Variants in ME1 observed in about 807,000 individuals in gnomAD.
The protein encoded by ME1 is NADP-dependent malic enzyme.
A neutral mutation model predicts 66.4 loss-of-function variants in ME1; 74 were observed. The ratio of observed to expected loss-of-function variants is 1.11; its 90% CI spans 0.92 to 1.35. ME1 has a LOEUF of 1.35. Among genes scored for constraint, ME1 ranks in the 40% most tolerant of loss-of-function variants. The pLI, the probability that ME1 is intolerant of heterozygous loss-of-function variation, is 0.00. For synonymous variants in ME1, 251 were observed against 235.6 expected (o/e 1.07, Z -0.60); for missense variants, 750 against 694.1 (o/e 1.08, Z -0.90).
At position 83,237,302 on chromosome 6, in the gene ME1, A is replaced by AAAAGAAAGAAAG. The variant is rs70987737; in HGVS notation, c.1026+403_1026+414dup. 2.3e-4 allele frequency among the ~76,000 whole-genome samples: 17 copies of AAAAGAAAGAAAG among 74,306 alleles called. 2 individuals carry two copies. The highest frequency in any genetic ancestry group is 5.6e-4 in the African/African-American group (9 of 16,172). 48.7% of individuals were successfully genotyped at this position (74,306 alleles called of 152,430 possible). A position where few individuals can be genotyped will look rare whatever the true frequency, so the allele number is the denominator to read the frequency against. On this transcript the variant is annotated intron_variant, in intron 9 of 13. Transcript: ENST00000369705. ...AAGGAAGGAAGGAAGGAAAGAAAGA[A>AAAAGAAAGAAAG]AAAGAAAGAAAGAAAAGGAAGGAAA...
At chr6:83,221,545 T>TA (rs1271237709) in intron 12 of ME1, among the ~76,000 whole-genome samples, 2 of 152,106 alleles carry the variant, frequency 1.3e-5, no homozygotes, top group Non-Finnish European at 2.9e-5. Flanking sequence ...GTATCACTAA[T>TA]AAAAATGTGA....
At chr6:83,344,219 A>G (rs1768643547) in intron 5 of ME1, among the ~76,000 whole-genome samples, 3 of 151,354 alleles carry the variant, frequency 2.0e-5, no homozygotes. Context: ...TCAGGAGTTT[A>G]AGGCTGCAAT....
intron 3 of ME1, among the ~76,000 whole-genome samples, chr6:83,356,501 TA>T (rs1344988260): frequency 3.9e-5 from 6 of 151,908 alleles, no homozygotes; most frequent in Non-Finnish European, 7.4e-5. Context: ...TTGCAAGAAA[TA>T]GAAGAATTAT....
Position 83,360,668 on chromosome 6 carries a change from G to T in ME1, c.363-8529C>A, listed in dbSNP as rs1471097362. Reference sequence around the variant, plus strand: ...ACTATATCGCATCCCTGGAGGGATTGCAGAGATTAGTGCCACCATCAAGGA... The same window carrying T: ...ACTATATCGCATCCCTGGAGGGATTTCAGAGATTAGTGCCACCATCAAGGA... On this transcript the variant is annotated intron_variant, in intron 3 of 13. Transcript: ENST00000369705. Among the ~76,000 whole-genome samples the T allele has an allele frequency of 2.0e-5, 3 of 152,334 alleles. No individual in the cohort carries two copies. The South Asian group carries it at 6.2e-4, about 32-fold the overall frequency.
chr6:83,290,079 C>T (rs558891686), intron 6 of ME1, among the ~76,000 whole-genome samples: 41 of 152,270 alleles, frequency 2.7e-4, no homozygotes, highest in African/African-American at 9.6e-4. Flanking sequence ...AAAAAACCAG[C>T]TCCTGCATTC....
At chr6:83,294,329 G>T (rs1767555625) in intron 6 of ME1, among the ~76,000 whole-genome samples, 1 of 152,160 alleles carries the variant, frequency 6.6e-6, no homozygotes, top group Non-Finnish European at 1.5e-5. Flanking sequence ...AGAGTCTTCA[G>T]ATACACCATC....
At chr6:83,299,283 A>G (rs549846618) in intron 6 of ME1, among the ~76,000 whole-genome samples, 2 of 152,124 alleles carry the variant, frequency 1.3e-5, no homozygotes, top group African/African-American at 4.8e-5. Context: ...TACTGCCTTG[A>G]GCAGTGGTTT....
intron 5 of ME1, among the ~76,000 whole-genome samples, chr6:83,323,180 G>A (rs543594714): frequency 9.9e-5 from 15 of 152,186 alleles, no homozygotes; most frequent in South Asian, 8.3e-4. Context: ...AGGAAAAACC[G>A]GGACAGGCAC....
At chr6:83,228,777 T>C (rs1257491336) in intron 10 of ME1, 49 bp downstream of exon 10, 2 of 1,245,834 alleles carry the variant, frequency 1.6e-6, no homozygotes, top group Non-Finnish European at 2.3e-6. Context: ...AAAAAAACAA[T>C]CAGGTCAAAA....
At chr6:83,365,364 G>A (rs1257539945) in intron 3 of ME1, among the ~76,000 whole-genome samples, 1 of 152,032 alleles carries the variant, frequency 6.6e-6, no homozygotes, top group African/African-American at 2.4e-5. Flanking sequence ...AAAGTGCTGG[G>A]ATTACAGGCA....
chr6:83,303,915 AT>A (rs1767776720), intron 6 of ME1, among the ~76,000 whole-genome samples: 1 of 152,098 alleles, frequency 6.6e-6, no homozygotes, highest in Non-Finnish European at 1.5e-5. Flanking sequence ...TATATACATT[AT>A]TTTCTTTGGG....
chr6:83,415,022 A>G (rs1165618918), intron 1 of ME1, among the ~76,000 whole-genome samples: 1 of 152,204 alleles, frequency 6.6e-6, no homozygotes, highest in African/African-American at 2.4e-5. Flanking sequence ...GAATAATCCA[A>G]ATAAACCACT....
intron 6 of ME1, among the ~76,000 whole-genome samples, chr6:83,261,332 T>C (rs1766884004): frequency 6.6e-6 from 1 of 151,940 alleles, no homozygotes; most frequent in Admixed American, 6.6e-5. Context: ...TTAAGTTCCT[T>C]AAAATTCTGG....
intron 3 of ME1, among the ~76,000 whole-genome samples, chr6:83,385,900 AATC>A (rs1192795450): frequency 6.6e-6 from 1 of 151,908 alleles, no homozygotes; most frequent in Non-Finnish European, 1.5e-5. Context: ...TAATTTAAGA[AATC>A]ATCATCTATA....
intron 5 of ME1, among the ~76,000 whole-genome samples, chr6:83,342,060 G>C (rs1227890598): frequency 6.6e-6 from 1 of 152,134 alleles, no homozygotes; most frequent in African/African-American, 2.4e-5. Flanking sequence ...ATGTTTGCTA[G>C]GAGTGTGACC....
At chr6:83,215,739 C>T (rs55837963) in intron 13 of ME1, among the ~76,000 whole-genome samples, 9,205 of 152,180 alleles carry the variant, frequency 0.06, 548 homozygotes, top group African/African-American at 0.15. Context: ...TCAGAGGAAA[C>T]CAAACCTGCA....
At chr6:83,415,963 C>A (rs1770152592) in intron 1 of ME1, among the ~76,000 whole-genome samples, 1 of 152,072 alleles carries the variant, frequency 6.6e-6, no homozygotes, top group Non-Finnish European at 1.5e-5. Flanking sequence ...TTGTAATAAG[C>A]CATACACTAG....
At chr6:83,237,397 G>A (rs9444052) in intron 9 of ME1, among the ~76,000 whole-genome samples, 34 of 118,862 alleles carry the variant, frequency 2.9e-4, no homozygotes, top group East Asian at 2.2e-3. Flanking sequence ...AAGGAAGGAA[G>A]GAAAGAAAGA....
At chr6:83,259,250 T>C (rs1186378212) in intron 6 of ME1, among the ~76,000 whole-genome samples, 1 of 152,160 alleles carries the variant, frequency 6.6e-6, no homozygotes, top group African/African-American at 2.4e-5. Context: ...AGCTTGAGAG[T>C]GCTCAATGAA....
Sources: allele counts gnomAD v4.1 joint callset (sites outside exome capture counted in the v4.1 genomes callset), GRCh38; gene constraint gnomAD v4.1.1; transcripts MANE v1.5; gene names NCBI Gene and HGNC (gene_info 2026-07-23, HGNC 2026-07-21).